Variants in USP30 observed in about 807,000 individuals in gnomAD.
The protein encoded by USP30 is ubiquitin specific peptidase 30, also known as ubiquitin carboxyl-terminal hydrolase 30.
A neutral mutation model predicts 68.2 loss-of-function variants in USP30; 41 were observed. The ratio of observed to expected loss-of-function variants is 0.60; its 90% CI spans 0.47 to 0.78. The LOEUF (loss-of-function observed/expected upper bound fraction) is 0.78, where lower values mean the gene tolerates loss of function less well. USP30 is among the 30% of genes least tolerant of loss of function. USP30 has a pLI of 0.00. For missense variants in USP30, 522 were observed against 649.4 expected (o/e 0.80, Z 2.13); for synonymous variants, 229 against 253.7 (o/e 0.90, Z 0.93).
intron 7 of USP30, among the ~76,000 whole-genome samples, chr12:109,080,174 T>A (rs577242429): frequency 1.3e-5 from 2 of 152,278 alleles, no homozygotes; most frequent in Non-Finnish European, 2.9e-5. Flanking sequence ...GTATAAACTT[T>A]GGGGCTCATC....
At position 109,085,088 on chromosome 12, in the gene USP30, A is replaced by G; in HGVS notation, c.1289+15A>G. ...CCCGACTACAGGTGAGCCACCCTTT[A>G]CAAGCCCCATCTTAGAGCTACCACT... is the stretch of plus-strand genomic sequence containing the variant. On this transcript the variant is annotated intron_variant, in intron 12 of 12. Transcript: ENST00000257548. 6.5e-7 allele frequency: 1 copy of G among 1,538,390 alleles called. No homozygotes were observed. Among genetic ancestry groups the G allele is most frequent in the Non-Finnish European group, 8.8e-7 (1 of 1,138,088 alleles).
intron 7 of USP30, among the ~76,000 whole-genome samples, chr12:109,074,634 T>G (rs562192164): frequency 1.3e-5 from 2 of 152,320 alleles, no homozygotes; most frequent in South Asian, 4.1e-4. Flanking sequence ...TTCCCCCAGT[T>G]TTATTGAGAT....
At chr12:109,082,147 C>T (rs1442529281) in intron 9 of USP30, 128 bp downstream of exon 9, 9 of 987,084 alleles carry the variant, frequency 9.1e-6, no homozygotes, top group Non-Finnish European at 1.4e-5. Flanking sequence ...CTACTTCTCC[C>T]TAATTTGGTT....
intron 3 of USP30, among the ~76,000 whole-genome samples, chr12:109,046,189 C>G (rs910093284): frequency 6.6e-6 from 1 of 150,776 alleles, no homozygotes; most frequent in Non-Finnish European, 1.5e-5. Context: ...GAACCTCCGC[C>G]CCCCCGGGTT....
chr12:109,043,666 G>T (rs2040580324), intron 3 of USP30, among the ~76,000 whole-genome samples: 1 of 152,098 alleles, frequency 6.6e-6, no homozygotes, highest in Admixed American at 6.6e-5. Context: ...ATTGGATTTG[G>T]CAGTGATTTC....
chr12:109,060,468 T>C (rs1471389680), intron 3 of USP30, among the ~76,000 whole-genome samples: 1 of 152,190 alleles, frequency 6.6e-6, no homozygotes, highest in Admixed American at 6.5e-5. Flanking sequence ...CAAGTGTACT[T>C]TTCTGTGGAA....
intron 7 of USP30, among the ~76,000 whole-genome samples, chr12:109,079,339 CTTTTTTTTTTTCTTTTTTTT>C (rs2041717658): frequency 4.8e-5 from 3 of 62,250 alleles, no homozygotes; most frequent in South Asian, 1.2e-3. Flanking sequence ...TTTTCTTTTT[CTTTTTTTTTTTCTTTTTTTT>C]TTTTTTTTTT....
At chr12:109,069,461 C>G (rs956115354) in intron 4 of USP30, among the ~76,000 whole-genome samples, 3 of 152,214 alleles carry the variant, frequency 2.0e-5, no homozygotes, top group East Asian at 3.8e-4. Flanking sequence ...GGGGCTAGAG[C>G]CTTGCCTTAT....
chr12:109,046,092 CTTTTTTTTTTTTTTTT>C (rs34629352), intron 3 of USP30, among the ~76,000 whole-genome samples: 2 of 46,738 alleles, frequency 4.3e-5, no homozygotes, highest in African/African-American at 1.2e-4. Flanking sequence ...GGAAGTCAGT[CTTTTTTTTTTTTTTTT>C]TTTTTTTTTT....
chr12:109,057,878 G>T lies in USP30; in HGVS notation c.194-48G>T, dbSNP rs770646816. 12 of 1,562,638 alleles carry T rather than the reference G, an allele frequency of 7.7e-6. No individual in the cohort carries two copies. In the East Asian group the frequency reaches 1.8e-4, roughly 23 times the overall value. On this transcript the variant is annotated intron_variant, in intron 2 of 12. Coordinates refer to ENST00000257548, the MANE Select transcript of USP30 (RefSeq NM_032663.5). The stretch of plus-strand genomic sequence containing the variant: ...CTGGGTCCCACATGGGAGAGAAATT[G>T]ATCAAATGTGATATACTGTTCTCTT...
At position 109,067,363 on chromosome 12, in the gene USP30, C is replaced by T. The variant is rs1034727707; in HGVS notation, c.377-161C>T. ...GGATCTCCTGACCTTGTAATCTGCC[C>T]ACTTCGGCCTCCCAAAATTCTGGGA... is the stretch of plus-strand genomic sequence containing the variant. On this transcript the variant is annotated intron_variant, in intron 3 of 12. Coordinates refer to ENST00000257548, the MANE Select transcript of USP30 (RefSeq NM_032663.5). 3.9e-5 allele frequency among the ~76,000 whole-genome samples: 6 copies of T among 151,926 alleles called. No individual in the cohort carries two copies. The East Asian group carries it at 1.2e-3, about 29-fold the overall frequency.
chr12:109,062,187 A>C (rs1414863093), intron 3 of USP30, among the ~76,000 whole-genome samples: 1 of 152,028 alleles, frequency 6.6e-6, no homozygotes, highest in Non-Finnish European at 1.5e-5. Context: ...CACCCGCCTC[A>C]GCCTCCCGTA....
intron 2 of USP30, among the ~76,000 whole-genome samples, chr12:109,025,841 C>T (rs533323142): frequency 6.6e-6 from 1 of 151,816 alleles, no homozygotes; most frequent in South Asian, 2.1e-4. Context: ...GTGTGCACCA[C>T]CACACCTGGC....
At chr12:109,059,606 C>T (rs950818301) in intron 3 of USP30, among the ~76,000 whole-genome samples, 2 of 152,152 alleles carry the variant, frequency 1.3e-5, no homozygotes, top group Non-Finnish European at 2.9e-5. Flanking sequence ...CTCCGCCTCC[C>T]GGGTTCAAGC....
In USP30 at chr12:109,052,711, C is replaced by T; in HGVS notation, c.33C>T (p.Thr11=). The change falls in exon 1 of 13, where the codon ACC becomes ACT. Residue 11 remains threonine, a synonymous_variant. Transcript: ENST00000257548. MLSSRAEAAM[T]AADRAIQRFL... ...GCTCCCGGGCCGAGGCGGCGATGACCGCGGCCGACAGGGCCATCCAGCGCT... is the reference window on the plus strand; with the variant it reads ...GCTCCCGGGCCGAGGCGGCGATGACTGCGGCCGACAGGGCCATCCAGCGCT... 2.0e-6 allele frequency: 3 copies of T among 1,482,378 alleles called. No individual in the cohort carries two copies. The highest frequency in any genetic ancestry group is 2.7e-6 in the Non-Finnish European group (3 of 1,118,508). 91.8% of individuals were successfully genotyped at this position (1,482,378 alleles called of 1,614,324 possible). A position where few individuals can be genotyped will look rare whatever the true frequency, so the allele number is the denominator to read the frequency against.
chr12:109,074,944 A>G (rs1284789317), intron 7 of USP30, among the ~76,000 whole-genome samples: 2 of 152,202 alleles, frequency 1.3e-5, no homozygotes, highest in African/African-American at 2.4e-5. Context: ...TCTAGATTCC[A>G]TATAGGTATG....
In USP30 at chr12:109,052,781, G is replaced by T; in HGVS notation, c.83+20G>T. ...CGTCAGGTGAGATTTTGGGGGGCGG[G>T]GCTGCCGAAGAGGCCGGGACCAGGG... On this transcript the variant is annotated intron_variant, in intron 1 of 12. Coordinates refer to ENST00000257548, the MANE Select transcript of USP30 (RefSeq NM_032663.5). 1 of 1,441,276 alleles carries T rather than the reference G, an allele frequency of 6.9e-7. No individual in the cohort carries two copies. Among genetic ancestry groups the T allele is most frequent in the Non-Finnish European group, 9.1e-7 (1 of 1,097,310 alleles). The allele number at this position is 1,441,276 out of a possible 1,614,324, so 89.3% of individuals were successfully genotyped here. A position where few individuals can be genotyped will look rare whatever the true frequency, so the allele number is the denominator to read the frequency against.
chr12:109,035,015 TCTGAAATGAGACTC>T (rs2040508791), intron 3 of USP30, among the ~76,000 whole-genome samples: 1 of 152,212 alleles, frequency 6.6e-6, no homozygotes, highest in Non-Finnish European at 1.5e-5. Context: ...TGTCTATGAA[TCTGAAATGAGACTC>T]CTGAAGATAG....
intron 7 of USP30, among the ~76,000 whole-genome samples, chr12:109,074,237 A>G (rs1313202309): frequency 4.6e-5 from 7 of 152,190 alleles, no homozygotes; most frequent in Non-Finnish European, 8.8e-5. Context: ...ATAATATTGC[A>G]TTACATGGAT....
Sources: allele counts gnomAD v4.1 joint callset (sites outside exome capture counted in the v4.1 genomes callset), GRCh38; gene constraint gnomAD v4.1.1; transcripts MANE v1.5; gene names NCBI Gene and HGNC (gene_info 2026-07-23, HGNC 2026-07-21).